The following ADK variants were observed in gnomAD, a reference collection of about 807,000 sequenced individuals.
ADK encodes adenosine kinase, also known as N6,N6-dimethyladenosine kinase.
ADK carries 24 observed loss-of-function variants against 44.7 expected under a neutral mutation model. That is an observed-to-expected ratio of 0.54 (90% CI 0.39 to 0.76). ADK has a LOEUF of 0.76. Among genes scored for constraint, ADK ranks in the 30% least tolerant of loss-of-function variants. ADK has a pLI of 0.00. For missense variants in ADK, 321 were observed against 425.1 expected (o/e 0.76, Z 2.15); for synonymous variants, 128 against 142.6 (o/e 0.90, Z 0.73).
At chr10:74,230,430 T>G (rs1414560868) in intron 3 of ADK, among the ~76,000 whole-genome samples, 1 of 152,050 alleles carries the variant, frequency 6.6e-6, no homozygotes, top group Non-Finnish European at 1.5e-5. Flanking sequence ...GAGTCCCATT[T>G]AAGTGCTGTT....
chr10:74,373,809 A>G (rs1842741856), intron 4 of ADK, among the ~76,000 whole-genome samples: 1 of 152,194 alleles, frequency 6.6e-6, no homozygotes, highest in Admixed American at 6.5e-5. Context: ...AGGTATATAC[A>G]CAAGACAAAT....
chr10:74,696,731 C>T, intron 10 of ADK, among the ~76,000 whole-genome samples: 1 of 152,016 alleles, frequency 6.6e-6, no homozygotes, highest in Non-Finnish European at 1.5e-5. Flanking sequence ...TTACTGTTTC[C>T]CTTTTTCCAC....
chr10:74,539,874 A>AG (rs1382493671), intron 7 of ADK, among the ~76,000 whole-genome samples: 1 of 152,200 alleles, frequency 6.6e-6, no homozygotes, highest in African/African-American at 2.4e-5. Flanking sequence ...ATCTGAAAAA[A>AG]GTGAGATTGA....
chr10:74,452,753 C>T (rs1189281441), intron 6 of ADK, among the ~76,000 whole-genome samples: 1 of 151,990 alleles, frequency 6.6e-6, no homozygotes, highest in Non-Finnish European at 1.5e-5. Flanking sequence ...TTATAACTTG[C>T]ATAGCTCCAG....
chr10:74,698,161 C>T (rs1856273373), intron 10 of ADK, among the ~76,000 whole-genome samples: 3 of 152,180 alleles, frequency 2.0e-5, no homozygotes, highest in Admixed American at 1.3e-4. Context: ...AAGTCTATAA[C>T]GTCTCCTAAA....
chr10:74,271,547 GA>G (rs72275142), intron 3 of ADK, among the ~76,000 whole-genome samples: 46,126 of 46,128 alleles, frequency 1, 23,062 homozygotes, highest in Middle Eastern at 1. Context: ...ATCTCCTAAT[GA>G]CTATCCCTCC....
chr10:74,695,922 A>G (rs1856180846), intron 10 of ADK, among the ~76,000 whole-genome samples: 1 of 152,064 alleles, frequency 6.6e-6, no homozygotes, highest in Non-Finnish European at 1.5e-5. Flanking sequence ...TTACAGGCAC[A>G]AACTACTGCA....
intron 3 of ADK, among the ~76,000 whole-genome samples, chr10:74,308,935 A>G (rs1840346615): frequency 6.6e-6 from 1 of 152,026 alleles, no homozygotes; most frequent in Non-Finnish European, 1.5e-5. Context: ...TGAAAATGGA[A>G]AGCAATTGCC....
chr10:74,698,563 G>C (rs1856288710), intron 10 of ADK, among the ~76,000 whole-genome samples: 1 of 152,066 alleles, frequency 6.6e-6, no homozygotes, highest in African/African-American at 2.4e-5. Context: ...GTTTTGTTTT[G>C]TTTTGTTTGA....
intron 9 of ADK, among the ~76,000 whole-genome samples, chr10:74,621,845 T>C (rs1853005301): frequency 6.6e-6 from 1 of 152,172 alleles, no homozygotes; most frequent in South Asian, 2.1e-4. Flanking sequence ...TGGGTTATAG[T>C]TTTTGTAAGA....
rs527255139 is a variant in ADK at position 74,329,606 on chromosome 10, T to G, written c.273+14861T>G. Reference sequence around the variant, plus strand: ...TAAGGAAGAAGATTGGTTGGATGGATGGATGTTAGGTGACCACTGGGAAAC... The same window carrying G: ...TAAGGAAGAAGATTGGTTGGATGGAGGGATGTTAGGTGACCACTGGGAAAC... On this transcript the variant is annotated intron_variant, in intron 4 of 10. Coordinates refer to ENST00000539909, the MANE Select transcript of ADK (RefSeq NM_006721.4). Among the ~76,000 whole-genome samples the G allele has an allele frequency of 7.9e-5, 12 of 152,304 alleles. No homozygotes were observed. In the South Asian group the frequency reaches 2.5e-3, roughly 32 times the overall value.
chr10:74,585,829 G>A (rs1398618087), intron 7 of ADK, among the ~76,000 whole-genome samples: 2 of 152,186 alleles, frequency 1.3e-5, no homozygotes, highest in Admixed American at 1.3e-4. Flanking sequence ...GGCGCCCTGG[G>A]GCAGCACAGA....
At chr10:74,566,765 A>G (rs1850682953) in intron 7 of ADK, among the ~76,000 whole-genome samples, 6 of 152,204 alleles carry the variant, frequency 3.9e-5, no homozygotes, top group Admixed American at 3.9e-4. Context: ...AATGAGGAGA[A>G]AAGTTAATTG....
At chr10:74,407,604 G>A (rs990420318) in intron 6 of ADK, among the ~76,000 whole-genome samples, 4 of 151,966 alleles carry the variant, frequency 2.6e-5, no homozygotes, top group African/African-American at 9.7e-5. Context: ...CATATCTCGA[G>A]TTCTCACTTT....
intron 6 of ADK, among the ~76,000 whole-genome samples, chr10:74,521,177 A>T (rs1848818054): frequency 6.6e-6 from 1 of 152,194 alleles, no homozygotes; most frequent in South Asian, 2.1e-4. Flanking sequence ...TTTGCGATCT[A>T]ACAGAGCATA....
At chr10:74,606,742 C>T (rs1020495314) in intron 9 of ADK, among the ~76,000 whole-genome samples, 18 of 152,106 alleles carry the variant, frequency 1.2e-4, no homozygotes, top group African/African-American at 4.3e-4. Context: ...CTGTAGATGT[C>T]TATTAGGTCT....
chr10:74,218,425 A>G (rs1328237135), intron 2 of ADK, among the ~76,000 whole-genome samples: 1 of 152,236 alleles, frequency 6.6e-6, no homozygotes, highest in Non-Finnish European at 1.5e-5. Flanking sequence ...GGAGAATGGA[A>G]CCAAGTTGGA....
intron 6 of ADK, among the ~76,000 whole-genome samples, chr10:74,424,300 C>T (rs1159111357): frequency 6.6e-6 from 1 of 151,660 alleles, no homozygotes; most frequent in Non-Finnish European, 1.5e-5. Flanking sequence ...GCACAGAGGC[C>T]GAGGCAGGAG....
intron 3 of ADK, among the ~76,000 whole-genome samples, chr10:74,276,241 C>T (rs1230579004): frequency 6.6e-6 from 1 of 152,154 alleles, no homozygotes; most frequent in Non-Finnish European, 1.5e-5. Context: ...TAAAACCCAA[C>T]CTATCCTTCC....
Sources: allele counts gnomAD v4.1 joint callset (sites outside exome capture counted in the v4.1 genomes callset), GRCh38; gene constraint gnomAD v4.1.1; transcripts MANE v1.5; gene names NCBI Gene and HGNC (gene_info 2026-07-23, HGNC 2026-07-21).